PHACTR1: variants seen among roughly 807,000 people sequenced by gnomAD.
PHACTR1 encodes RPEL repeat containing 1.
Under a neutral mutation model 69.2 loss-of-function variants are expected in PHACTR1, and 16 were observed. That is an observed-to-expected ratio of 0.23 (90% CI 0.16 to 0.35). The LOEUF is 0.35. PHACTR1 is among the 10% of genes least tolerant of loss of function. The probability of loss-of-function intolerance (pLI) is 1.00; values close to 1 mark genes in which losing one functional copy is unlikely to be tolerated. For missense variants in PHACTR1, 510 were observed against 734.7 expected, an observed-to-expected ratio of 0.69 and a Z score of 3.54; for synonymous variants, 312 against 284.5, an observed-to-expected ratio of 1.10 and a Z score of -0.97.
intron 4 of PHACTR1, among the ~76,000 whole-genome samples, chr6:13,023,985 G>A (rs998593795): frequency 6.6e-6 from 1 of 151,980 alleles, no homozygotes; most frequent in Non-Finnish European, 1.5e-5. Flanking sequence ...GCTGAGGCTG[G>A]AGAATCACTT....
chr6:13,013,397 G>C (rs1799665628), intron 4 of PHACTR1, among the ~76,000 whole-genome samples: 1 of 152,224 alleles, frequency 6.6e-6, no homozygotes, highest in Non-Finnish European at 1.5e-5. Flanking sequence ...TGGCCCTGGA[G>C]GGGAGCTTGC....
At position 13,025,671 on chromosome 6, in the gene PHACTR1, T is replaced by TTGTGTGTGTGTGTG. The variant is rs60800778; in HGVS notation, c.251-27668_251-27655dup. On this transcript the variant is annotated intron_variant, in intron 4 of 14. Coordinates refer to ENST00000332995, the MANE Select transcript of PHACTR1 (RefSeq NM_030948.6). Reference sequence around the variant, plus strand: ...CATAACCAGATAAGTCATATATTATTTGTGTGTGTGTGTGTGTGTGTGTGT... The same window carrying TTGTGTGTGTGTGTG: ...CATAACCAGATAAGTCATATATTATTTGTGTGTGTGTGTGTGTGTGTGTGTGTGTGTGTGTGTGT... 4.3e-3 allele frequency among the ~76,000 whole-genome samples: 604 copies of TTGTGTGTGTGTGTG among 140,284 alleles called. 4 individuals are homozygous for TTGTGTGTGTGTGTG. Among genetic ancestry groups the TTGTGTGTGTGTGTG allele is most frequent in the African/African-American group, 0.014 (528 of 36,834 alleles). 92.0% of individuals were successfully genotyped at this position (140,284 alleles called of 152,430 possible). A position where few individuals can be genotyped will look rare whatever the true frequency, so the allele number is the denominator to read the frequency against.
intron 4 of PHACTR1, among the ~76,000 whole-genome samples, chr6:12,823,795 C>CTTT (rs1158741317): frequency 2.6e-5 from 4 of 152,162 alleles, no homozygotes; most frequent in Non-Finnish European, 5.9e-5. Flanking sequence ...AGTGTTAATT[C>CTTT]ATCATATTCA....
intron 5 of PHACTR1, among the ~76,000 whole-genome samples, chr6:13,070,774 A>G (rs1378081514): frequency 6.6e-6 from 1 of 152,188 alleles, no homozygotes; most frequent in African/African-American, 2.4e-5. Context: ...CAAGGCAGAG[A>G]AAGATACCTA....
At chr6:12,757,096 G>T (rs907788123) in intron 4 of PHACTR1, among the ~76,000 whole-genome samples, 5 of 152,220 alleles carry the variant, frequency 3.3e-5, no homozygotes, top group Admixed American at 6.5e-5. Context: ...GAATAAGGCA[G>T]ACTAAGAGGG....
At position 12,797,170 on chromosome 6, in the gene PHACTR1, C is replaced by T. The variant is rs563048324; in HGVS notation, c.250+47380C>T. On this transcript the variant is annotated intron_variant, in intron 4 of 14. Coordinates refer to ENST00000332995, the MANE Select transcript of PHACTR1 (RefSeq NM_030948.6). ...GTCTAGGTGTGCACAATAGATGAAGCGGGACAGATTGATAACATGAAAACC... is the reference window on the plus strand; with the variant it reads ...GTCTAGGTGTGCACAATAGATGAAGTGGGACAGATTGATAACATGAAAACC... Among the ~76,000 whole-genome samples the T allele has an allele frequency of 1.1e-4, 16 of 152,008 alleles. No individual in the cohort carries two copies. In the East Asian group the frequency reaches 1.9e-3, roughly 18 times the overall value.
intron 6 of PHACTR1, among the ~76,000 whole-genome samples, chr6:13,171,379 A>G (rs1300312172): frequency 6.6e-6 from 1 of 152,204 alleles, no homozygotes; most frequent in Non-Finnish European, 1.5e-5. Context: ...ACTGAGCCAG[A>G]CACTCATTAT....
At chr6:12,758,761 T>A (rs1193027364) in intron 4 of PHACTR1, among the ~76,000 whole-genome samples, 1 of 152,034 alleles carries the variant, frequency 6.6e-6, no homozygotes, top group Non-Finnish European at 1.5e-5. Context: ...GGGGTCACAT[T>A]TAAAGCTGGA....
intron 8 of PHACTR1, among the ~76,000 whole-genome samples, chr6:13,218,243 C>T (rs933880664): frequency 5.3e-5 from 8 of 152,162 alleles, no homozygotes; most frequent in Admixed American, 4.6e-4. Flanking sequence ...GCCCTTGATT[C>T]CCTACAAGAG....
At chr6:12,741,117 T>C (rs1764977465) in intron 3 of PHACTR1, among the ~76,000 whole-genome samples, 1 of 152,052 alleles carries the variant, frequency 6.6e-6, no homozygotes, top group South Asian at 2.1e-4. Flanking sequence ...TTTTCTCTTA[T>C]CTAAATAAAC....
intron 4 of PHACTR1, among the ~76,000 whole-genome samples, chr6:12,841,308 G>A (rs1778677463): frequency 6.6e-6 from 1 of 152,134 alleles, no homozygotes; most frequent in South Asian, 2.1e-4. Flanking sequence ...CCTTTTTGTT[G>A]TTTGCTGTGC....
intron 6 of PHACTR1, among the ~76,000 whole-genome samples, chr6:13,177,166 C>A (rs1761429990): frequency 1.0e-5 from 1 of 98,432 alleles, no homozygotes; most frequent in Admixed American, 1.2e-4. Context: ...AGCAAGACCC[C>A]ATCTCTAAAA....
At chr6:12,962,387 G>A (rs933346148) in intron 4 of PHACTR1, among the ~76,000 whole-genome samples, 1 of 152,166 alleles carries the variant, frequency 6.6e-6, no homozygotes, top group Non-Finnish European at 1.5e-5. Context: ...TTAGGAGGGA[G>A]CACAATTTGG....
chr6:12,829,964 A>AAGAGAGAGAGAGAGAGAGAGAG (rs149861206), intron 4 of PHACTR1, among the ~76,000 whole-genome samples: 16 of 99,944 alleles, frequency 1.6e-4, no homozygotes, highest in African/African-American at 5.7e-4. Flanking sequence ...TCAAGAAAGA[A>AAGAGAGAGAGAGAGAGAGAGAG]AGAGAGAGAG....
chr6:13,275,789 A>G lies in PHACTR1; in HGVS notation c.1448-2479A>G, dbSNP rs1199364613. ...TGTAAATTTTCACCGTGTGCCCTCT[A>G]GCTGTCCCTGGTGACCCAACATCCA... On this transcript the variant is annotated intron_variant, in intron 11 of 14. Transcript: ENST00000332995. This position sits in a 1 kb window ranked among gnomAD's most constrained non-coding sequence, Gnocchi z 4.0. 4 of 152,264 alleles carry G rather than the reference A, an allele frequency of 2.6e-5. No homozygotes were observed. In the East Asian group the frequency reaches 7.7e-4, roughly 29 times the overall value. The allele number at this position is 152,264 out of a possible 1,614,324, so 9.4% of individuals were successfully genotyped here. A position where few individuals can be genotyped will look rare whatever the true frequency, so the allele number is the denominator to read the frequency against.
intron 5 of PHACTR1, among the ~76,000 whole-genome samples, chr6:13,060,066 G>A (rs184747811): frequency 1.3e-3 from 196 of 152,288 alleles, no homozygotes; most frequent in Non-Finnish European, 2.1e-3. Flanking sequence ...GGCCAGAGAG[G>A]TAGGAGGAAA....
At chr6:12,790,477 TA>T (rs981185952) in intron 4 of PHACTR1, among the ~76,000 whole-genome samples, 2 of 152,220 alleles carry the variant, frequency 1.3e-5, no homozygotes, top group African/African-American at 4.8e-5. Context: ...CCACCCTATT[TA>T]AAATTGCAAA....
At chr6:13,259,438 GCCACAGGC>G (rs1775616876) in intron 10 of PHACTR1, among the ~76,000 whole-genome samples, 1 of 152,140 alleles carries the variant, frequency 6.6e-6, no homozygotes, top group Admixed American at 6.5e-5. Flanking sequence ...TCTCATCTTA[GCCACAGGC>G]CATTGCACTG....
intron 5 of PHACTR1, among the ~76,000 whole-genome samples, chr6:13,132,076 C>T (rs1485653152): frequency 6.6e-6 from 1 of 152,140 alleles, no homozygotes; most frequent in Non-Finnish European, 1.5e-5. Flanking sequence ...ACAATTGACT[C>T]TCATCTCAGG....
Sources: gnomAD v4.1 joint callset for allele counts (sites outside exome capture counted in the v4.1 genomes callset) on GRCh38, gnomAD v4.1.1 for gene constraint, Gnocchi (gnomAD v3.1) non-coding constraint, MANE v1.5 for transcripts, NCBI Gene and HGNC (gene_info 2026-07-23, HGNC 2026-07-21) for gene names.